CTDSPL2: variants seen among roughly 807,000 people sequenced by gnomAD.
The protein encoded by CTDSPL2 is CTD small phosphatase-like protein 2.
Under a neutral mutation model 60.0 loss-of-function variants are expected in CTDSPL2, and 5 were observed. The observed-to-expected ratio is 0.08, with a 90% CI of 0.04 to 0.18. The LOEUF is 0.18. CTDSPL2 is among the 10% of genes least tolerant of loss of function. The probability of loss-of-function intolerance (pLI) is 1.00; values close to 1 mark genes in which losing one functional copy is unlikely to be tolerated. For synonymous variants in CTDSPL2, 186 were observed against 189.3 expected (o/e 0.98, Z 0.14); for missense variants, 370 against 548.8 (o/e 0.67, Z 3.26).
rs751017528 is a variant in CTDSPL2 at position 44,459,072 on chromosome 15, A to G, written c.58A>G (p.Thr20Ala). 1.5e-5 allele frequency: 24 copies of G among 1,612,178 alleles called. No individual in the cohort carries two copies. Among genetic ancestry groups the G allele is most frequent in the Non-Finnish European group, 1.8e-5 (21 of 1,179,092 alleles). Reference sequence around the variant, plus strand: ...GTCAAATCAAATCCAAACACAACGCACTGCCAGAGCAAAGAGGAAATATTC... The same window carrying G: ...GTCAAATCAAATCCAAACACAACGCGCTGCCAGAGCAAAGAGGAAATATTC... ...QQSNQIQTQR[T>A]ARAKRKYSEV... The change falls in exon 2 of 13, where the codon ACT (threonine) becomes GCT (alanine). Residue 20 changes from threonine (T) to alanine (A), a missense_variant. Around this residue, in one of 6 missense-constraint regions of CTDSPL2, gnomAD observed 287 missense variants for 296.1 expected, o/e 0.97. Coordinates refer to ENST00000260327, the MANE Select transcript of CTDSPL2 (RefSeq NM_016396.3).
At chr15:44,479,844 G>A (rs1478280733) in intron 2 of CTDSPL2, among the ~76,000 whole-genome samples, 2 of 152,010 alleles carry the variant, frequency 1.3e-5, no homozygotes, top group Non-Finnish European at 2.9e-5. Flanking sequence ...AGTTTTGTGT[G>A]GGATTTGATA....
chr15:44,450,786 G>A (rs1205179399), intron 1 of CTDSPL2, among the ~76,000 whole-genome samples: 5 of 151,368 alleles, frequency 3.3e-5, no homozygotes, highest in African/African-American at 1.2e-4. Flanking sequence ...TGTAGAGAAG[G>A]GGCGTTTCAC....
chr15:44,506,989 A>C (rs1398099458), intron 8 of CTDSPL2, among the ~76,000 whole-genome samples: 1 of 150,894 alleles, frequency 6.6e-6, no homozygotes, highest in Non-Finnish European at 1.5e-5. Flanking sequence ...GGACGGTCTC[A>C]ATCTCCTGAC....
rs2081893142 is a variant in CTDSPL2, at chr15:44,527,464, C to T, written c.*3290C>T. On this transcript the variant is annotated 3_prime_UTR_variant, in exon 13 of 13. Transcript: ENST00000260327. ...CAATGAAGAAAGCATTTCATTATTCCTACAGATCTTTCCTGCGAGCACAGA... is the reference window on the plus strand; with the variant it reads ...CAATGAAGAAAGCATTTCATTATTCTTACAGATCTTTCCTGCGAGCACAGA... The T allele has an allele frequency of 1.3e-5, 2 of 152,102 alleles. No homozygotes were observed. The highest frequency in any genetic ancestry group is 4.8e-5 in the African/African-American group (2 of 41,440). The allele number at this position is 152,102 out of a possible 1,614,324, so 9.4% of individuals were successfully genotyped here.
chr15:44,460,204 G>A (rs947374224), intron 2 of CTDSPL2, among the ~76,000 whole-genome samples: 10 of 152,098 alleles, frequency 6.6e-5, no homozygotes, highest in African/African-American at 2.2e-4. Context: ...TCTGCCTCCC[G>A]AGTTCAAGTG....
intron 10 of CTDSPL2, among the ~76,000 whole-genome samples, chr15:44,517,890 G>GT (rs936592652): frequency 6.6e-6 from 1 of 152,090 alleles, no homozygotes. Flanking sequence ...TTTTGTTGTT[G>GT]TTTTTTCAAA....
In CTDSPL2 at chr15:44,454,653, A is replaced by G. The variant is rs1595712843; in HGVS notation, c.-24-4338A>G. Among the ~76,000 whole-genome samples, 7 of 152,200 alleles carry G rather than the reference A, an allele frequency of 4.6e-5. No individual in the cohort carries two copies. In the South Asian group the frequency reaches 1.4e-3, roughly 31 times the overall value. On this transcript the variant is annotated intron_variant, in intron 1 of 12. Transcript: ENST00000260327. ...TTCAGCTTTCTACATATGGCTAGCC[A>G]GTTTTCCCAGGACCGTTTATTAAAT...
chr15:44,498,347 C>G (rs1021052312), intron 7 of CTDSPL2, among the ~76,000 whole-genome samples: 2 of 151,094 alleles, frequency 1.3e-5, no homozygotes, highest in African/African-American at 4.9e-5. Context: ...TGGCTCATGC[C>G]TGTAATTCCA....
chr15:44,499,086 G>A (rs1489206180), intron 7 of CTDSPL2, among the ~76,000 whole-genome samples: 1 of 151,884 alleles, frequency 6.6e-6, no homozygotes, highest in Admixed American at 6.6e-5. Flanking sequence ...TCAAACTTGA[G>A]CATGTGTCAG....
Position 44,486,608 on chromosome 15 carries a change from A to G in CTDSPL2, c.383A>G (p.Asp128Gly). 6.3e-7 allele frequency: 1 copy of G among 1,594,420 alleles called. No homozygotes were observed. The highest frequency in any genetic ancestry group is 1.2e-5 in the South Asian group (1 of 85,838). The change falls in exon 4 of 13, where the codon GAT becomes GGT. Residue 128 changes from aspartate to glycine, a missense_variant. Coordinates refer to ENST00000260327, the MANE Select transcript of CTDSPL2 (RefSeq NM_016396.3). ...QHVKQNGKLE[D>G]NPSSGSPPRT... ...GTAAAACAAAATGGAAAATTAGAAG[A>G]TAATCCTTCCTCTGGCAGTCCTCCA...
chr15:44,495,779 C>T (rs948519647), intron 5 of CTDSPL2, among the ~76,000 whole-genome samples: 3 of 151,888 alleles, frequency 2.0e-5, no homozygotes, highest in Non-Finnish European at 4.4e-5. Flanking sequence ...ACCAAAAATA[C>T]AAAAATCAGC....
chr15:44,435,316 TC>T (rs2079954624), intron 1 of CTDSPL2, among the ~76,000 whole-genome samples: 1 of 145,370 alleles, frequency 6.9e-6, no homozygotes, highest in South Asian at 2.2e-4. Flanking sequence ...ACGCGTGTAA[TC>T]CCACCACTCT....
intron 2 of CTDSPL2, among the ~76,000 whole-genome samples, chr15:44,463,204 C>T (rs988190229): frequency 1.9e-4 from 29 of 152,242 alleles, no homozygotes; most frequent in African/African-American, 6.5e-4. Flanking sequence ...TGCAGTGGCA[C>T]GATGTCAGCT....
chr15:44,462,035 C>T (rs545665066), intron 2 of CTDSPL2, among the ~76,000 whole-genome samples: 5 of 152,272 alleles, frequency 3.3e-5, no homozygotes, highest in African/African-American at 1.2e-4. Flanking sequence ...CTTGACTTCC[C>T]AGCTCAGGTG....
intron 2 of CTDSPL2, among the ~76,000 whole-genome samples, chr15:44,459,678 A>G (rs1443816466): frequency 1.3e-5 from 2 of 152,312 alleles, no homozygotes; most frequent in East Asian, 3.9e-4. Context: ...ACATTATTCC[A>G]CTGAACTAAT....
At chr15:44,503,199 G>T (rs76745682) in intron 8 of CTDSPL2, among the ~76,000 whole-genome samples, 4,032 of 151,980 alleles carry the variant, frequency 0.027, 90 homozygotes, top group East Asian at 0.097. Context: ...TTGTTTGAAT[G>T]GGTCTATTTT....
intron 8 of CTDSPL2, among the ~76,000 whole-genome samples, chr15:44,507,095 T>A (rs995762188): frequency 1.5e-4 from 23 of 149,830 alleles, no homozygotes; most frequent in African/African-American, 2.7e-4. Context: ...TTTTTTTTTT[T>A]AAATAAGACT....
rs780633326 is a variant in CTDSPL2 at position 44,490,985 on chromosome 15, T to G, written c.677T>G (p.Ile226Ser). ...GCAGAAGAAACAGTTAATCGTGATA[T>G]CCCACCCCTTACAGGTGAAGAAAAT... ...EEAEETVNRDIPPLTAPVTPD... is the reference protein window; with the variant it reads ...EEAEETVNRDSPPLTAPVTPD... The change falls in exon 5 of 13, where the codon ATC (isoleucine) becomes AGC (serine). Residue 226 changes from isoleucine to serine, a missense_variant. Transcript: ENST00000260327. The G allele has an allele frequency of 7.3e-5, 117 of 1,613,680 alleles. No individual in the cohort carries two copies. Among genetic ancestry groups the G allele is most frequent in the Non-Finnish European group, 9.4e-5 (111 of 1,179,768 alleles).
intron 11 of CTDSPL2, 124 bp downstream of exon 11, chr15:44,519,419 G>A: frequency 1.2e-6 from 1 of 868,284 alleles, no homozygotes; most frequent in Non-Finnish European, 1.7e-6. Flanking sequence ...CCTTTAATGT[G>A]TCATTTTTTT....
Sources: allele counts gnomAD v4.1 joint callset (sites outside exome capture counted in the v4.1 genomes callset), GRCh38; gene constraint gnomAD v4.1.1; regional missense constraint gnomAD v4.1.1; transcripts MANE v1.5; gene names NCBI Gene and HGNC (gene_info 2026-07-23, HGNC 2026-07-21).